APOOL: variants seen among roughly 807,000 people sequenced by gnomAD.
The protein encoded by APOOL is MICOS complex subunit MIC27.
Under a neutral mutation model 23.1 loss-of-function variants are expected in APOOL, and 12 were observed. The observed-to-expected ratio is 0.52, with a 90% CI of 0.33 to 0.84. The LOEUF is 0.84. Ranked by LOEUF, APOOL falls within the 40% of genes least tolerant of loss-of-function variation. The probability of loss-of-function intolerance (pLI) is 0.02; values close to 1 mark genes in which losing one functional copy is unlikely to be tolerated. For missense variants in APOOL, 212 were observed against 199.6 expected, an observed-to-expected ratio of 1.06 and a Z score of -0.37; for synonymous variants, 77 against 69.9, an observed-to-expected ratio of 1.10 and a Z score of -0.51.
chrX:85,043,434 C>G (rs1282081158), intron 1 of APOOL, among the ~76,000 whole-genome samples: 23 of 108,726 alleles, frequency 2.1e-4, no homozygotes, highest in Non-Finnish European at 5.7e-5. Flanking sequence ...TGTAAATGGC[C>G]ACATGGTAAA....
intron 1 of APOOL, among the ~76,000 whole-genome samples, chrX:85,016,692 G>T (rs113443752): frequency 9.0e-6 from 1 of 111,512 alleles, no homozygotes; most frequent in African/African-American, 3.3e-5. Context: ...TCTCCAAGAC[G>T]TTTTATGATC....
chrX:85,022,982 G>A (rs1203532932), intron 1 of APOOL, among the ~76,000 whole-genome samples: 5 of 111,446 alleles, frequency 4.5e-5, no homozygotes, highest in Non-Finnish European at 5.6e-5. Flanking sequence ...TGCAAGAGTT[G>A]GTGGTTACAA....
chrX:85,067,627 A>AACACACACACACACACACACAC (rs758966009), intron 6 of APOOL, among the ~76,000 whole-genome samples: 3 of 90,406 alleles, frequency 3.3e-5, no homozygotes, highest in African/African-American at 1.2e-4. Flanking sequence ...CTGAAGGTAA[A>AACACACACACACACACACACAC]ACACACACAC....
intron 8 of APOOL, among the ~76,000 whole-genome samples, chrX:85,075,265 C>T (rs1409907689): frequency 9.0e-6 from 1 of 110,825 alleles, no homozygotes; most frequent in African/African-American, 3.3e-5. Context: ...AAAACAAAAA[C>T]CTCTGCTGGA....
chrX:85,069,867 C>T (rs756255189), intron 6 of APOOL, among the ~76,000 whole-genome samples: 2 of 111,034 alleles, frequency 1.8e-5, no homozygotes, highest in Non-Finnish European at 3.8e-5. Context: ...TCTTGCTCAC[C>T]TCTAATTTCA....
At chrX:85,038,353 T>C (rs997342827) in intron 1 of APOOL, among the ~76,000 whole-genome samples, 1 of 109,952 alleles carries the variant, frequency 9.1e-6, no homozygotes, top group Admixed American at 9.7e-5. Flanking sequence ...CCAGAAGTTT[T>C]CCTCTTTTGT....
chrX:85,053,356 A>T (rs183881180), intron 3 of APOOL, among the ~76,000 whole-genome samples: 1 of 112,122 alleles, frequency 8.9e-6, no homozygotes, highest in East Asian at 2.8e-4. Context: ...GTTTATGCTG[A>T]TTTGTACAAT....
At chrX:85,060,148 T>G (rs1191728987) in intron 5 of APOOL, among the ~76,000 whole-genome samples, 1 of 108,367 alleles carries the variant, frequency 9.2e-6, no homozygotes, top group African/African-American at 3.4e-5. Context: ...CTTTCCCCAT[T>G]GCTTGTTTTT....
intron 3 of APOOL, among the ~76,000 whole-genome samples, chrX:85,051,870 A>T (rs980475108): frequency 8.9e-6 from 1 of 112,026 alleles, no homozygotes; most frequent in African/African-American, 3.2e-5. Context: ...GTGATCTCAA[A>T]TAGGTCAGAT....
intron 8 of APOOL, among the ~76,000 whole-genome samples, chrX:85,077,111 A>T (rs755444272): frequency 7.9e-4 from 80 of 101,313 alleles, no homozygotes; most frequent in Middle Eastern, 5.2e-3. Flanking sequence ...ATATATATAT[A>T]TTTTTTTAAT....
In APOOL at chrX:85,039,207, A is replaced by G. The variant is rs144280318; in HGVS notation, c.16-7239A>G. On this transcript the variant is annotated intron_variant, in intron 1 of 8. Coordinates refer to ENST00000373173, the MANE Select transcript of APOOL (RefSeq NM_198450.6). ...TATTGTTTAATTTCCATGTAATTGT[A>G]TGGTTTTGAGAGATTTTGGTATCGA... Among the ~76,000 whole-genome samples the G allele has an allele frequency of 6.3e-3, 673 of 107,656 alleles. 4 individuals carry two copies. Among genetic ancestry groups the G allele is most frequent in the African/African-American group, 0.021 (628 of 29,735 alleles). 93.5% of individuals were successfully genotyped at this position (107,656 alleles called of 115,157 possible). A position where few individuals can be genotyped will look rare whatever the true frequency, so the allele number is the denominator to read the frequency against.
intron 8 of APOOL, among the ~76,000 whole-genome samples, chrX:85,083,580 G>A (rs1351055417): frequency 9.0e-6 from 1 of 111,339 alleles, no homozygotes; most frequent in South Asian, 3.8e-4. Flanking sequence ...AAAAAGGAAT[G>A]GAAAAGTTTG....
At chrX:85,025,635 TG>T (rs201886918) in intron 1 of APOOL, among the ~76,000 whole-genome samples, 3 of 112,331 alleles carry the variant, frequency 2.7e-5, no homozygotes, top group East Asian at 5.6e-4. Context: ...ATGGGCTACA[TG>T]CCCCATGTAC....
chrX:85,016,337 TCTG>T (rs1220076122), intron 1 of APOOL, among the ~76,000 whole-genome samples: 1 of 108,174 alleles, frequency 9.2e-6, no homozygotes, highest in Non-Finnish European at 1.9e-5. Flanking sequence ...CTCAGTGAGA[TCTG>T]CTGAGGTTTT....
chrX:85,050,622 A>AG (rs1288170732), intron 2 of APOOL, among the ~76,000 whole-genome samples: 3 of 105,019 alleles, frequency 2.9e-5, no homozygotes, highest in Admixed American at 1.0e-4. Context: ...AAAAAAAAAA[A>AG]TTTTTTTTTA....
intron 3 of APOOL, among the ~76,000 whole-genome samples, chrX:85,052,554 A>T (rs1450813600): frequency 1.8e-5 from 2 of 112,069 alleles, no homozygotes; most frequent in Non-Finnish European, 3.8e-5. Flanking sequence ...CTTTAAAAAG[A>T]AATCTAATGA....
At chrX:85,034,525 G>T (rs1362789795) in intron 1 of APOOL, among the ~76,000 whole-genome samples, 1 of 110,643 alleles carries the variant, frequency 9.0e-6, no homozygotes. Context: ...TGTTACAAGA[G>T]TATATTGAAT....
chrX:85,024,842 G>A (rs1921787048), intron 1 of APOOL, among the ~76,000 whole-genome samples: 1 of 112,175 alleles, frequency 8.9e-6, no homozygotes, highest in South Asian at 3.7e-4. Flanking sequence ...CTTTTAGCTC[G>A]GGGAATTGGG....
intron 1 of APOOL, among the ~76,000 whole-genome samples, chrX:85,043,331 G>C (rs1325125875): frequency 9.0e-5 from 10 of 110,653 alleles, no homozygotes; most frequent in African/African-American, 2.9e-4. Context: ...GCCTCATGAG[G>C]CTGTAAGTTT....
Sources: gnomAD v4.1 joint callset for allele counts (sites outside exome capture counted in the v4.1 genomes callset) on GRCh38, gnomAD v4.1.1 for gene constraint, MANE v1.5 for transcripts, NCBI Gene and HGNC (gene_info 2026-07-23, HGNC 2026-07-21) for gene names.